The following OSBPL9 variants were observed in gnomAD, a reference collection of about 807,000 sequenced individuals.
OSBPL9 encodes oxysterol binding protein like 9, also known as oxysterol-binding protein-related protein 9.
A neutral mutation model predicts 106.6 loss-of-function variants in OSBPL9; 40 were observed. The observed-to-expected ratio is 0.38, with a 90% CI of 0.29 to 0.49. OSBPL9 has a LOEUF of 0.49. OSBPL9 is among the 20% of genes least tolerant of loss of function. The pLI, the probability that OSBPL9 is intolerant of heterozygous loss-of-function variation, is 0.97. For missense variants in OSBPL9, 609 were observed against 887.2 expected (o/e 0.69, Z 3.98); for synonymous variants, 269 against 295.4 (o/e 0.91, Z 0.92).
chr1:51,598,827 C>T (rs1645314675), intron 2 of OSBPL9, among the ~76,000 whole-genome samples: 1 of 152,012 alleles, frequency 6.6e-6, no homozygotes, highest in Admixed American at 6.6e-5. Context: ...AACCCAGTCT[C>T]TATTAAGAAT....
At chr1:51,650,577 A>G (rs954282933) in intron 1 of OSBPL9, among the ~76,000 whole-genome samples, 3 of 152,206 alleles carry the variant, frequency 2.0e-5, no homozygotes, top group African/African-American at 7.2e-5. Context: ...GTTAGAACAA[A>G]AAGAATACTC....
intron 6 of OSBPL9, among the ~76,000 whole-genome samples, chr1:51,747,113 G>C (rs1052811721): frequency 6.6e-6 from 1 of 152,082 alleles, no homozygotes; most frequent in Admixed American, 6.5e-5. Context: ...GGGATTACAG[G>C]CATGTGCCAC....
chr1:51,578,883 T>G (rs1384531128), intron 1 of OSBPL9, among the ~76,000 whole-genome samples: 1 of 152,032 alleles, frequency 6.6e-6, no homozygotes, highest in Non-Finnish European at 1.5e-5. Context: ...GGCAATAAAA[T>G]TCAGAAAAAC....
rs141017141 is a variant in OSBPL9, at chr1:51,677,540, T to G, written c.241+8028T>G. Among the ~76,000 whole-genome samples, 967 of 152,270 alleles carry G rather than the reference T, an allele frequency of 6.4e-3. 7 individuals are homozygous for G. The highest frequency in any genetic ancestry group is 0.011 in the Non-Finnish European group (757 of 68,028). On this transcript the variant is annotated intron_variant, in intron 3 of 23. Coordinates refer to ENST00000428468, the MANE Select transcript of OSBPL9 (RefSeq NM_024586.6). ...AATAATCCTTCATTTTCAAAGGACTTTACGGAAAACTTTTTTTTTTTTTTG... is the reference window on the plus strand; with the variant it reads ...AATAATCCTTCATTTTCAAAGGACTGTACGGAAAACTTTTTTTTTTTTTTG...
At chr1:51,530,627 T>C in the OSBPL9 span, among the ~76,000 whole-genome samples, 1 of 151,612 alleles carries the variant, frequency 6.6e-6, no homozygotes, top group Non-Finnish European at 1.5e-5. Flanking sequence ...AGCCCAAGAG[T>C]TTGAGGCTGC....
chr1:51,759,308 G>C (rs1166553540), intron 9 of OSBPL9, among the ~76,000 whole-genome samples: 1 of 151,784 alleles, frequency 6.6e-6, no homozygotes, highest in Non-Finnish European at 1.5e-5. Context: ...GGTTTTTTTG[G>C]TTTTAAATTT....
intron 1 of OSBPL9, among the ~76,000 whole-genome samples, chr1:51,624,924 T>TA (rs1644682722): frequency 6.6e-6 from 1 of 152,262 alleles, no homozygotes; most frequent in African/African-American, 2.4e-5. Flanking sequence ...CAATGAGGCA[T>TA]ATTATTCTCC....
the OSBPL9 span, among the ~76,000 whole-genome samples, chr1:51,527,404 A>T: frequency 1.3e-4 from 19 of 151,912 alleles, no homozygotes; most frequent in Middle Eastern, 3.4e-3. Flanking sequence ...TTTTTAAAAA[A>T]TTTTTTTAGA....
chr1:51,741,563 C>T (rs77431686), intron 4 of OSBPL9, among the ~76,000 whole-genome samples: 3,154 of 150,008 alleles, frequency 0.021, 105 homozygotes, highest in African/African-American at 0.074. Context: ...CTCTTTCTCT[C>T]TCTTTCTTTC....
intron 2 of OSBPL9, among the ~76,000 whole-genome samples, chr1:51,600,883 G>A (rs1200363418): frequency 1.3e-5 from 2 of 152,204 alleles, no homozygotes; most frequent in African/African-American, 4.8e-5. Flanking sequence ...ATCAGATTTA[G>A]TTCACGAGAC....
intron 4 of OSBPL9, among the ~76,000 whole-genome samples, chr1:51,731,969 G>T (rs953813392): frequency 6.6e-6 from 1 of 152,104 alleles, no homozygotes; most frequent in African/African-American, 2.4e-5. Context: ...CTGTCTACTG[G>T]TCACGTTCAT....
At chr1:51,721,050 C>T (rs1662029242) in intron 4 of OSBPL9, among the ~76,000 whole-genome samples, 1 of 151,994 alleles carries the variant, frequency 6.6e-6, no homozygotes, top group South Asian at 2.1e-4. Context: ...CCACCTGCCT[C>T]AGCCTCCCAA....
intron 3 of OSBPL9, among the ~76,000 whole-genome samples, chr1:51,697,652 T>G (rs2148844047): frequency 6.6e-6 from 1 of 151,782 alleles, no homozygotes; most frequent in South Asian, 2.1e-4. Context: ...AAGCTACTTC[T>G]TGTAGTTTAG....
At chr1:51,578,711 A>C (rs575843542) in intron 1 of OSBPL9, among the ~76,000 whole-genome samples, 27 of 152,326 alleles carry the variant, frequency 1.8e-4, no homozygotes, top group African/African-American at 6.5e-4. Flanking sequence ...TGTGCCAGGT[A>C]TCAGGTGCAC....
At chr1:51,755,224 A>T (rs1313293148) in intron 8 of OSBPL9, among the ~76,000 whole-genome samples, 1 of 152,118 alleles carries the variant, frequency 6.6e-6, no homozygotes, top group Admixed American at 6.5e-5. Context: ...CCAAGATTGT[A>T]CTCTAGGGTA....
Position 51,723,587 on chromosome 1 carries a change from C to T in OSBPL9, c.318+9508C>T, listed in dbSNP as rs149745702. The stretch of plus-strand genomic sequence containing the variant: ...AGAGACAAGGTGTCTCACTCTGTTG[C>T]CCAGGCTGGAGTGCAGTGGCCCAAT... On this transcript the variant is annotated intron_variant, in intron 4 of 23. Coordinates refer to ENST00000428468, the MANE Select transcript of OSBPL9 (RefSeq NM_024586.6). Among the ~76,000 whole-genome samples, 282 of 152,206 alleles carry T rather than the reference C, an allele frequency of 1.9e-3. 1 individual carries two copies. The highest frequency in any genetic ancestry group is 4.8e-3 in the Admixed American group (74 of 15,296).
At chr1:51,728,945 A>G (rs998035649) in intron 4 of OSBPL9, among the ~76,000 whole-genome samples, 15 of 152,188 alleles carry the variant, frequency 9.9e-5, no homozygotes, top group African/African-American at 3.6e-4. Flanking sequence ...GCGGGATAGG[A>G]AGATACCTAA....
At chr1:51,546,041 G>A in the OSBPL9 span, among the ~76,000 whole-genome samples, 2 of 151,926 alleles carry the variant, frequency 1.3e-5, no homozygotes, top group Non-Finnish European at 2.9e-5. Context: ...TTTTGAGACA[G>A]GGTCTCACTT....
chr1:51,714,148 T>G, intron 4 of OSBPL9, 69 bp downstream of exon 4: 2 of 1,153,404 alleles, frequency 1.7e-6, no homozygotes, highest in South Asian at 1.6e-5. Context: ...TGTTTTCTGT[T>G]TTTTTTTTTT....
Sources: gnomAD v4.1 joint callset for allele counts (sites outside exome capture counted in the v4.1 genomes callset) on GRCh38, gnomAD v4.1.1 for gene constraint, MANE v1.5 for transcripts, NCBI Gene and HGNC (gene_info 2026-07-23, HGNC 2026-07-21) for gene names.